ADAM10: variants seen among roughly 807,000 people sequenced by gnomAD.
The protein encoded by ADAM10 is disintegrin and metalloproteinase domain-containing protein 10.
In ADAM10, 17 loss-of-function variants were observed where a neutral mutation model predicts 90.1. That is an observed-to-expected ratio of 0.19 (90% CI 0.13 to 0.28). The LOEUF is 0.28. Among genes scored for constraint, ADAM10 ranks in the 10% least tolerant of loss-of-function variants. ADAM10 has a pLI of 1.00. For synonymous variants in ADAM10, 310 were observed against 298.6 expected (o/e 1.04, Z -0.40); for missense variants, 610 against 914.3 (o/e 0.67, Z 4.29).
In ADAM10 at chr15:58,593,262, C is replaced by T. The variant is rs185027463; in HGVS notation, c.*4285G>A. ...TGGCGCAATCGCGGCTCACTGCAGC[C>T]TCTGCCTCCTGGGTTCAAGCAAATC... On this transcript the variant is annotated 3_prime_UTR_variant, in exon 16 of 16. Transcript: ENST00000260408. The T allele has an allele frequency of 2.8e-5, 4 of 141,788 alleles. No individual in the cohort carries two copies. In the East Asian group the frequency reaches 8.4e-4, roughly 30 times the overall value. The allele number at this position is 141,788 out of a possible 1,614,324, so 8.8% of individuals were successfully genotyped here.
chr15:58,637,975 T>C (rs1348773484), intron 8 of ADAM10, among the ~76,000 whole-genome samples: 2 of 152,168 alleles, frequency 1.3e-5, no homozygotes, highest in Admixed American at 6.5e-5. Flanking sequence ...TCAGTTCAGC[T>C]AGTAGTAAGT....
intron 2 of ADAM10, chr15:58,686,548 T>C (rs1346625113): frequency 1.1e-5 from 15 of 1,409,158 alleles, no homozygotes; most frequent in Middle Eastern, 1.8e-4. Context: ...CCTGCAAGGA[T>C]GCCCTGCTGG....
intron 4 of ADAM10, among the ~76,000 whole-genome samples, chr15:58,667,982 CA>C (rs1342502606): frequency 6.6e-6 from 1 of 152,006 alleles, no homozygotes. Context: ...AAAATGACCC[CA>C]CTTTCCACAA....
Position 58,591,838 on chromosome 15 carries a change from TAAA to T in ADAM10, c.*5706_*5708del, listed in dbSNP as rs1894830245. ...TACCATTATCACACCTAAAAATAATTAAAAACCTTAATATCAAATATCCACTTT... is the reference window on the plus strand; with the variant it reads ...TACCATTATCACACCTAAAAATAATTAACCTTAATATCAAATATCCACTTT... On this transcript the variant is annotated 3_prime_UTR_variant, in exon 16 of 16. Coordinates refer to ENST00000260408, the MANE Select transcript of ADAM10 (RefSeq NM_001110.4). 6.6e-6 allele frequency: 1 copy of T among 152,202 alleles called. No individual in the cohort carries two copies. The highest frequency in any genetic ancestry group is 1.5e-5 in the Non-Finnish European group (1 of 68,026). 9.4% of individuals were successfully genotyped at this position (152,202 alleles called of 1,614,324 possible).
intron 12 of ADAM10, 107 bp from the exon 13 acceptor site, chr15:58,611,214 G>A: frequency 1.2e-6 from 1 of 802,882 alleles, no homozygotes; most frequent in Non-Finnish European, 2.1e-6. Flanking sequence ...ATATTTAAAT[G>A]GAAATGAAAG....
chr15:58,622,681 A>C (rs1368054609), intron 10 of ADAM10, among the ~76,000 whole-genome samples: 5 of 152,226 alleles, frequency 3.3e-5, no homozygotes, highest in Non-Finnish European at 5.9e-5. Flanking sequence ...TGGTTGATTA[A>C]GATTAGACAG....
chr15:58,602,227 C>T (rs1004248605), intron 14 of ADAM10, among the ~76,000 whole-genome samples: 2 of 152,106 alleles, frequency 1.3e-5, no homozygotes, highest in Non-Finnish European at 2.9e-5. Context: ...TTCTTACTTT[C>T]TGGCCCAACA....
At chr15:58,749,406 G>C in intron 1 of ADAM10, 74 bp downstream of exon 1, 2 of 1,373,886 alleles carry the variant, frequency 1.5e-6, no homozygotes. Context: ...CGCGAGGCGC[G>C]ACTGGGCTCC....
At chr15:58,627,561 C>T (rs777456055) in intron 10 of ADAM10, 139 bp downstream of exon 10, 19 of 712,306 alleles carry the variant, frequency 2.7e-5, no homozygotes, top group African/African-American at 5.4e-5. Flanking sequence ...TAAGAAATAA[C>T]GAGATAAAGG....
intron 2 of ADAM10, among the ~76,000 whole-genome samples, chr15:58,706,779 G>A (rs1461480937): frequency 4.6e-5 from 7 of 152,138 alleles, no homozygotes; most frequent in Non-Finnish European, 2.9e-5. Context: ...GGGAGGCCAA[G>A]GCAGGTGGAT....
chr15:58,637,185 C>A (rs147205451), intron 8 of ADAM10, among the ~76,000 whole-genome samples: 39 of 152,286 alleles, frequency 2.6e-4, no homozygotes, highest in Non-Finnish European at 4.3e-4. Flanking sequence ...CAAACTAAAA[C>A]ATCTAATCTA....
intron 2 of ADAM10, among the ~76,000 whole-genome samples, chr15:58,712,623 T>C (rs1898511622): frequency 6.7e-6 from 1 of 149,710 alleles, no homozygotes; most frequent in Non-Finnish European, 1.5e-5. Context: ...ATCAAGACCA[T>C]CCTGGCTCAC....
chr15:58,749,446 C>A (rs1293536055), intron 1 of ADAM10, 34 bp downstream of exon 1: 3 of 1,521,916 alleles, frequency 2.0e-6, no homozygotes, highest in South Asian at 1.2e-5. Flanking sequence ...CCGCCGTGGT[C>A]GCGGCGCCCC....
intron 9 of ADAM10, chr15:58,629,574 C>G (rs550282229): frequency 6.6e-6 from 1 of 152,074 alleles, no homozygotes; most frequent in Non-Finnish European, 1.5e-5. Context: ...CACTAAGAAA[C>G]TATAATCTTT....
intron 1 of ADAM10, among the ~76,000 whole-genome samples, chr15:58,724,781 A>G (rs1898974014): frequency 6.6e-6 from 1 of 152,240 alleles, no homozygotes; most frequent in African/African-American, 2.4e-5. Context: ...CAATCCTCAA[A>G]GCTCACACAG....
intron 4 of ADAM10, among the ~76,000 whole-genome samples, chr15:58,675,018 A>C (rs1352938804): frequency 6.6e-6 from 1 of 152,226 alleles, no homozygotes; most frequent in African/African-American, 2.4e-5. Flanking sequence ...CAACATGGTG[A>C]AACCCCGTCT....
At chr15:58,620,660 A>ATTTTTTTTTTTTTTTTTTTTTT (rs570842513) in intron 11 of ADAM10, among the ~76,000 whole-genome samples, 1 of 59,416 alleles carries the variant, frequency 1.7e-5, no homozygotes, top group African/African-American at 1.8e-4. Context: ...AAGAATATGT[A>ATTTTTTTTTTTTTTTTTTTTTT]TTTTTTTTTT....
Position 58,655,723 on chromosome 15 carries a change from A to ACTATATATAGTG in ADAM10, c.585+9373_585+9374insCACTATATATAG, listed in dbSNP as rs1381370723. 5.1e-5 allele frequency among the ~76,000 whole-genome samples: 4 copies of ACTATATATAGTG among 78,076 alleles called. No homozygotes were observed. In the East Asian group the frequency reaches 3.1e-3, roughly 60 times the overall value. 51.2% of individuals were successfully genotyped at this position (78,076 alleles called of 152,430 possible). The stretch of plus-strand genomic sequence containing the variant: ...ATATATATATATAGTATATATATAT[A>ACTATATATAGTG]TATATATATATATATATTCTTTTTT... On this transcript the variant is annotated intron_variant, in intron 5 of 15. Transcript: ENST00000260408.
At chr15:58,613,407 A>C (rs1275993828) in intron 11 of ADAM10, among the ~76,000 whole-genome samples, 1 of 152,200 alleles carries the variant, frequency 6.6e-6, no homozygotes, top group Non-Finnish European at 1.5e-5. Flanking sequence ...GAAAAAACAA[A>C]TATATATGAC....
Sources: gnomAD v4.1 joint callset for allele counts (sites outside exome capture counted in the v4.1 genomes callset) on GRCh38, gnomAD v4.1.1 for gene constraint, MANE v1.5 for transcripts, NCBI Gene and HGNC (gene_info 2026-07-23, HGNC 2026-07-21) for gene names.